The following PTPRCAP variants were observed in gnomAD, a reference collection of about 807,000 sequenced individuals.
PTPRCAP encodes protein tyrosine phosphatase receptor type C associated protein.
For missense variants in PTPRCAP, 294 were observed against 285.5 expected (o/e 1.03, Z -0.22); for synonymous variants, 136 against 135.8 (o/e 1.00, Z -0.01).
chr11:67,437,417 G>A, intron 1 of PTPRCAP, 200 bp downstream of exon 1: 1 of 491,028 alleles, frequency 2.0e-6, no homozygotes, highest in Non-Finnish European at 3.4e-6. Flanking sequence ...GGTCCGGTAT[G>A]GGGTGCTGGG....
intron 1 of PTPRCAP, 155 bp downstream of exon 1, chr11:67,437,462 G>A: frequency 1.1e-6 from 1 of 909,756 alleles, no homozygotes; most frequent in East Asian, 3.1e-5. Flanking sequence ...CCCAGCTCAG[G>A]TGAGAGAAAG....
rs984767967 is a variant in PTPRCAP at position 67,435,568 on chromosome 11, C to T, written c.*165G>A. ...CCTGATGCCTGTGGTTGGGGGGGGCCGTTCCCGTGGTGAGCGGGGTACACA... is the reference window on the plus strand; with the variant it reads ...CCTGATGCCTGTGGTTGGGGGGGGCTGTTCCCGTGGTGAGCGGGGTACACA... On this transcript the variant is annotated 3_prime_UTR_variant, in exon 2 of 2. Transcript: ENST00000326294. 4.7e-6 allele frequency: 5 copies of T among 1,064,832 alleles called. No individual in the cohort carries two copies. Among genetic ancestry groups the T allele is most frequent in the African/African-American group, 3.2e-5 (2 of 62,394 alleles). The allele number at this position is 1,064,832 out of a possible 1,614,324, so 66.0% of individuals were successfully genotyped here.
chr11:67,436,327 G>C lies in PTPRCAP; in HGVS notation c.27C>G (p.Leu9=), dbSNP rs981967918. The part of the protein sequence containing the change: MALPCTLG[L]GMLLALPGAL... ...CCCCTGGCAGGGCCAGCAGCATCCCGAGCCCTAAGGTGCAGGGCAGAGCCT... is the reference window on the plus strand; with the variant it reads ...CCCCTGGCAGGGCCAGCAGCATCCCCAGCCCTAAGGTGCAGGGCAGAGCCT... Residue 9 remains leucine (L), a synonymous_variant, in exon 2 of 2, where the codon CTC becomes CTG. Coordinates refer to ENST00000326294, the MANE Select transcript of PTPRCAP (RefSeq NM_005608.3). The C allele has an allele frequency of 4.7e-6, 7 of 1,504,322 alleles. No homozygotes were observed. In the African/African-American group the frequency reaches 6.9e-5, roughly 15 times the overall value. The allele number at this position is 1,504,322 out of a possible 1,614,324, so 93.2% of individuals were successfully genotyped here.
rs1864267708 is a variant in PTPRCAP, at chr11:67,436,123, GC to G, written c.230del (p.Arg77ProfsTer101). 5 of 1,595,566 alleles carry G rather than the reference GC, an allele frequency of 3.1e-6. No individual in the cohort carries two copies. Among genetic ancestry groups the G allele is most frequent in the Non-Finnish European group, 4.3e-6 (5 of 1,171,028 alleles). The part of the protein sequence containing the change: ...PARLGAALWG[R>X]TRRLLWASPP... Reference sequence around the variant, plus strand: ...GGCTGGCCCAGAGCAGGCGCCGCGTGCGGCCCCACAGCGCGGCACCTAGGCG... The same window carrying G: ...GGCTGGCCCAGAGCAGGCGCCGCGTGGGCCCCACAGCGCGGCACCTAGGCG... On this transcript the variant is annotated frameshift_variant, in exon 2 of 2. Transcript: ENST00000326294. LOFTEE classifies it low-confidence loss of function (END_TRUNC).
intron 1 of PTPRCAP, chr11:67,437,316 C>A (rs1386392018): frequency 2.0e-5 from 7 of 343,852 alleles, no homozygotes; most frequent in Non-Finnish European, 3.7e-5. Flanking sequence ...TCCCCCACCA[C>A]CCCAGGCTGT....
rs1864249601 is a variant in PTPRCAP, at chr11:67,435,628, G to A, written c.*105C>T. ...GAACTGGTAGGGGGTGACAGTCTGAGGCATGGTCATGTGGGCTGGGGGTCC... is the reference window on the plus strand; with the variant it reads ...GAACTGGTAGGGGGTGACAGTCTGAAGCATGGTCATGTGGGCTGGGGGTCC... On this transcript the variant is annotated 3_prime_UTR_variant, in exon 2 of 2. Coordinates refer to ENST00000326294, the MANE Select transcript of PTPRCAP (RefSeq NM_005608.3). The A allele has an allele frequency of 1.4e-6, 2 of 1,469,824 alleles. No homozygotes were observed. The highest frequency in any genetic ancestry group is 1.4e-5 in the African/African-American group (1 of 70,960). The allele number at this position is 1,469,824 out of a possible 1,614,324, so 91.0% of individuals were successfully genotyped here.
At chr11:67,437,256 A>T (rs1864305597) in intron 1 of PTPRCAP, 1 of 225,464 alleles carries the variant, frequency 4.4e-6, no homozygotes, top group Admixed American at 5.7e-5. Context: ...TGCGGTCGGA[A>T]CAGGCTAGGT....
chr11:67,437,639 T>G lies in PTPRCAP; in HGVS notation c.-20A>C. On this transcript the variant is annotated 5_prime_UTR_variant, in exon 1 of 2. Transcript: ENST00000326294. Reference sequence around the variant, plus strand: ...TACCATTGGTCCGCAGGCCCCTCCGTGCCGGGCACCCACCTCCAGCTCTGG... The same window carrying G: ...TACCATTGGTCCGCAGGCCCCTCCGGGCCGGGCACCCACCTCCAGCTCTGG... The G allele has an allele frequency of 7.3e-7, 1 of 1,366,142 alleles. No individual in the cohort carries two copies. Among genetic ancestry groups the G allele is most frequent in the Non-Finnish European group, 9.5e-7 (1 of 1,051,048 alleles). 84.6% of individuals were successfully genotyped at this position (1,366,142 alleles called of 1,614,324 possible).
chr11:67,435,935 G>A lies in PTPRCAP; in HGVS notation c.419C>T (p.Pro140Leu). The A allele has an allele frequency of 1.9e-6, 3 of 1,613,400 alleles. No homozygotes were observed. Among genetic ancestry groups the A allele is most frequent in the South Asian group, 2.2e-5 (2 of 91,062 alleles). The part of the protein sequence containing the change: ...GEQQCGEASS[P>L]EQVPVRAEEA... The stretch of plus-strand genomic sequence containing the variant: ...CTCAGCCCGCACGGGGACCTGCTCT[G>A]GGCTGGACGCCTCTCCACATTGCTG... The change falls in exon 2 of 2, where the codon CCA (proline) becomes CTA (leucine). Residue 140 changes from proline to leucine, a missense_variant. Physicochemically the swap from Pro to Leu is moderately conservative, Grantham distance 98. Coordinates refer to ENST00000326294, the MANE Select transcript of PTPRCAP (RefSeq NM_005608.3).
At position 67,435,770 on chromosome 11, in the gene PTPRCAP, G is replaced by A. The variant is rs1439331794; in HGVS notation, c.584C>T (p.Ala195Val). ...GACATGGAGGCCCTGGCCCCCAGCT[G>A]CCCTGGCGCTGTCATCCCAGGCTGC... ...GSAAWDDSAR[A>V]AGGQGLHVTA... Residue 195 changes from alanine (A) to valine (V), a missense_variant, in exon 2 of 2, where the codon GCA (alanine) becomes GTA (valine). Coordinates refer to ENST00000326294, the MANE Select transcript of PTPRCAP (RefSeq NM_005608.3). 6.4e-7 allele frequency: 1 copy of A among 1,568,630 alleles called. No homozygotes were observed. Among genetic ancestry groups the A allele is most frequent in the Admixed American group, 1.8e-5 (1 of 57,000 alleles).
chr11:67,437,451 G>T (rs1590983884), intron 1 of PTPRCAP, 166 bp downstream of exon 1: 1 of 785,642 alleles, frequency 1.3e-6, no homozygotes, highest in Non-Finnish European at 1.8e-6. Context: ...GTCCCAGGGA[G>T]CCCAGCTCAG....
chr11:67,436,396 G>A (rs746233722), intron 1 of PTPRCAP, 46 bp from the exon 2 acceptor site: 2 of 1,426,266 alleles, frequency 1.4e-6, no homozygotes, highest in Non-Finnish European at 1.8e-6. Context: ...ACCTGGGGTG[G>A]GGCCTGGTGT....
chr11:67,435,713 T>A lies in PTPRCAP; in HGVS notation c.*20A>T. On this transcript the variant is annotated 3_prime_UTR_variant, in exon 2 of 2. Transcript: ENST00000326294. Reference sequence around the variant, plus strand: ...GGGGAGTGAGCGGCTGTGACAGGGATGGGACACCAAGACCGGCCTCTACAG... The same window carrying A: ...GGGGAGTGAGCGGCTGTGACAGGGAAGGGACACCAAGACCGGCCTCTACAG... 1 of 1,502,722 alleles carries A rather than the reference T, an allele frequency of 6.7e-7. No individual in the cohort carries two copies. Among genetic ancestry groups the A allele is most frequent in the Non-Finnish European group, 8.8e-7 (1 of 1,130,554 alleles). 93.1% of individuals were successfully genotyped at this position (1,502,722 alleles called of 1,614,324 possible). A position where few individuals can be genotyped will look rare whatever the true frequency, so the allele number is the denominator to read the frequency against.
Position 67,436,115 on chromosome 11 carries a change from C to CGG in PTPRCAP, c.238_239insCC (p.Arg80ProfsTer99). 3.1e-6 allele frequency: 5 copies of CGG among 1,598,492 alleles called. No individual in the cohort carries two copies. Among genetic ancestry groups the CGG allele is most frequent in the Non-Finnish European group, 4.3e-6 (5 of 1,172,600 alleles). ...ACCTGGGGGGCTGGCCCAGAGCAGGCGCCGCGTGCGGCCCCACAGCGCGGC... is the reference window on the plus strand; with the variant it reads ...ACCTGGGGGGCTGGCCCAGAGCAGGCGGGCCGCGTGCGGCCCCACAGCGCGGC... On this transcript the variant is annotated frameshift_variant, in exon 2 of 2. Transcript: ENST00000326294. LOFTEE classifies it low-confidence loss of function (END_TRUNC).
In PTPRCAP at chr11:67,435,645, T is replaced by TG; in HGVS notation, c.*87dup. On this transcript the variant is annotated 3_prime_UTR_variant, in exon 2 of 2. Transcript: ENST00000326294. Reference sequence around the variant, plus strand: ...CAGTCTGAGGCATGGTCATGTGGGCTGGGGGTCCAGTCCAGCCATGGCATC... The same window carrying TG: ...CAGTCTGAGGCATGGTCATGTGGGCTGGGGGGTCCAGTCCAGCCATGGCATC... The TG allele has an allele frequency of 1.3e-6, 2 of 1,486,126 alleles. No homozygotes were observed. Among genetic ancestry groups the TG allele is most frequent in the Non-Finnish European group, 1.8e-6 (2 of 1,124,016 alleles). 92.1% of individuals were successfully genotyped at this position (1,486,126 alleles called of 1,614,324 possible).
At chr11:67,436,416 T>A (rs1864281320) in intron 1 of PTPRCAP, 66 bp from the exon 2 acceptor site, 1 of 1,416,060 alleles carries the variant, frequency 7.1e-7, no homozygotes, top group Non-Finnish European at 9.2e-7. Flanking sequence ...TGGGGCAGGC[T>A]GGGTGACCAA....
chr11:67,436,726 T>G, intron 1 of PTPRCAP: 4 of 206,522 alleles, frequency 1.9e-5, no homozygotes, highest in Non-Finnish European at 3.9e-5. Flanking sequence ...CCTTAACCTC[T>G]ACCCTGATGT....
rs769067281 is a variant in PTPRCAP at position 67,435,953 on chromosome 11, C to T, written c.401G>A (p.Cys134Tyr). 1.8e-5 allele frequency: 29 copies of T among 1,613,584 alleles called. No homozygotes were observed. Among genetic ancestry groups the T allele is most frequent in the Non-Finnish European group, 2.5e-5 (29 of 1,179,892 alleles). Reference protein sequence around the residue: ...QADPGEGEQQCGEASSPEQVP... With the variant: ...QADPGEGEQQYGEASSPEQVP... Reference sequence around the variant, plus strand: ...CTGCTCTGGGCTGGACGCCTCTCCACATTGCTGCTCGCCTTCCCCAGGGTC... The same window carrying T: ...CTGCTCTGGGCTGGACGCCTCTCCATATTGCTGCTCGCCTTCCCCAGGGTC... Residue 134 changes from cysteine to tyrosine, a missense_variant, in exon 2 of 2, where the codon TGT becomes TAT. Cys to Tyr is a radical substitution (Grantham distance 194). Transcript: ENST00000326294.
Position 67,435,994 on chromosome 11 carries a change from A to G in PTPRCAP, c.360T>C (p.Asp120=), listed in dbSNP as rs1379817381. 6.2e-7 allele frequency: 1 copy of G among 1,613,574 alleles called. No individual in the cohort carries two copies. Among genetic ancestry groups the G allele is most frequent in the Non-Finnish European group, 8.5e-7 (1 of 1,179,908 alleles). ...EQDTDYDHVA[D]GGLQADPGEG... Reference sequence around the variant, plus strand: ...CCCCAGGGTCAGCCTGCAGGCCACCATCCGCGACGTGGTCATAGTCTGTGT... The same window carrying G: ...CCCCAGGGTCAGCCTGCAGGCCACCGTCCGCGACGTGGTCATAGTCTGTGT... The change falls in exon 2 of 2, where the codon GAT becomes GAC. Residue 120 remains aspartate (D), a synonymous_variant. Transcript: ENST00000326294.
Sources: allele counts gnomAD v4.1 joint callset, GRCh38; gene constraint gnomAD v4.1.1; transcripts MANE v1.5; gene names NCBI Gene and HGNC (gene_info 2026-07-23, HGNC 2026-07-21).